Variants in AKT3 observed in about 807,000 individuals in gnomAD.
AKT3 encodes RAC-gamma serine/threonine-protein kinase.
In AKT3, 15 loss-of-function variants were observed where a neutral mutation model predicts 65.3. That is an observed-to-expected ratio of 0.23 (90% CI 0.15 to 0.35). The LOEUF (loss-of-function observed/expected upper bound fraction) is 0.35, where lower values mean the gene tolerates loss of function less well. Ranked by LOEUF, AKT3 falls within the 10% of genes least tolerant of loss-of-function variation. AKT3 has a pLI of 1.00. For missense variants in AKT3, 243 were observed against 576.5 expected (o/e 0.42, Z 5.92); for synonymous variants, 206 against 183.8 (o/e 1.12, Z -0.98).
chr1:243,495,767 C>T (rs1378460747), downstream of AKT3, among the ~76,000 whole-genome samples: 1 of 152,176 alleles, frequency 6.6e-6, no homozygotes, highest in African/African-American at 2.4e-5. Flanking sequence ...CACCTCTCTC[C>T]TCAGTGCGTT....
intron 3 of AKT3, among the ~76,000 whole-genome samples, chr1:243,683,993 A>C (rs1362054444): frequency 1.3e-5 from 2 of 152,198 alleles, no homozygotes; most frequent in Non-Finnish European, 2.9e-5. Context: ...AGCCTGCAGC[A>C]GCTTTGTCTT....
chr1:243,718,695 G>C (rs896253598), intron 2 of AKT3, among the ~76,000 whole-genome samples: 1 of 151,484 alleles, frequency 6.6e-6, no homozygotes, highest in Non-Finnish European at 1.5e-5. Flanking sequence ...GGATGGTCTC[G>C]ATCTCCTGAC....
intron 13 of AKT3, among the ~76,000 whole-genome samples, chr1:243,511,345 T>G (rs1187119468): frequency 1.3e-5 from 2 of 152,232 alleles, no homozygotes; most frequent in Non-Finnish European, 2.9e-5. Flanking sequence ...TTAAGACCTC[T>G]TGGCCCACAT....
At chr1:243,505,424 A>G (rs907068605) in intron 13 of AKT3, 90 bp from the exon 14 acceptor site, 18 of 1,099,500 alleles carry the variant, frequency 1.6e-5, no homozygotes, top group Non-Finnish European at 2.4e-5. Flanking sequence ...TGAACATAGG[A>G]AAGATGAACA....
At chr1:243,623,570 C>G (rs934368792) in intron 6 of AKT3, among the ~76,000 whole-genome samples, 1 of 152,148 alleles carries the variant, frequency 6.6e-6, no homozygotes, top group Non-Finnish European at 1.5e-5. Flanking sequence ...AATGGGGACA[C>G]TCCTCTTCTC....
At chr1:243,788,172 T>C (rs1691383510) in intron 2 of AKT3, among the ~76,000 whole-genome samples, 1 of 152,194 alleles carries the variant, frequency 6.6e-6, no homozygotes, top group African/African-American at 2.4e-5. Context: ...ACATGGATGG[T>C]AAGCTACTTG....
At chr1:243,841,663 T>C (rs1222696245) in intron 2 of AKT3, among the ~76,000 whole-genome samples, 1 of 152,156 alleles carries the variant, frequency 6.6e-6, no homozygotes, top group African/African-American at 2.4e-5. Context: ...GACCCAGCAA[T>C]ATCATTCCTA....
At chr1:243,792,027 T>C (rs920147508) in intron 2 of AKT3, among the ~76,000 whole-genome samples, 2 of 152,194 alleles carry the variant, frequency 1.3e-5, no homozygotes, top group Non-Finnish European at 2.9e-5. Context: ...TGAAGAAGAT[T>C]TAAGGAAACT....
intron 13 of AKT3, among the ~76,000 whole-genome samples, chr1:243,507,749 C>G (rs925044658): frequency 6.6e-6 from 1 of 152,186 alleles, no homozygotes; most frequent in Non-Finnish European, 1.5e-5. Flanking sequence ...CATCAGTTGC[C>G]TGATTTTCTT....
chr1:243,792,709 A>C (rs1332604983), intron 2 of AKT3, among the ~76,000 whole-genome samples: 1 of 152,186 alleles, frequency 6.6e-6, no homozygotes, highest in Non-Finnish European at 1.5e-5. Flanking sequence ...CATGTGTACA[A>C]CACCAAGAGA....
chr1:243,750,363 G>T (rs1219714398), intron 2 of AKT3, among the ~76,000 whole-genome samples: 1 of 151,218 alleles, frequency 6.6e-6, no homozygotes. Flanking sequence ...ACTACTGTAT[G>T]CCTCCTTCTC....
intron 2 of AKT3, among the ~76,000 whole-genome samples, chr1:243,726,033 GCCTCCAACATTAATGTCTGGAATTTCATA>G (rs141452883): frequency 0.25 from 38,058 of 151,970 alleles, 5,341 homozygotes; most frequent in African/African-American, 0.36. Flanking sequence ...GGAATTTCAT[GCCTCCAACATTAATGTCTGGAATTTCATA>G]CCTCCAACAT....
intron 3 of AKT3, among the ~76,000 whole-genome samples, chr1:243,688,490 T>C (rs1684484461): frequency 6.6e-6 from 1 of 152,186 alleles, no homozygotes; most frequent in Admixed American, 6.5e-5. Flanking sequence ...TTTTTGGAGA[T>C]GAATCTATTT....
intron 13 of AKT3, 119 bp from the exon 14 acceptor site, chr1:243,505,453 A>C (rs1334295589): frequency 1.3e-6 from 1 of 759,256 alleles, no homozygotes; most frequent in Non-Finnish European, 2.2e-6. Context: ...AGCTCCCATA[A>C]ACTTGTGTTC....
At chr1:243,593,379 A>G (rs1001554515) in intron 8 of AKT3, among the ~76,000 whole-genome samples, 6 of 152,188 alleles carry the variant, frequency 3.9e-5, no homozygotes, top group African/African-American at 1.4e-4. Flanking sequence ...TTGAATGTCA[A>G]TGTAATTTAT....
At chr1:243,703,823 T>C (rs1488602304) in intron 2 of AKT3, among the ~76,000 whole-genome samples, 1 of 151,384 alleles carries the variant, frequency 6.6e-6, no homozygotes, top group African/African-American at 2.4e-5. Context: ...ATTATCTACA[T>C]TGCAATAAAC....
chr1:243,753,057 C>G (rs907553772), intron 2 of AKT3, among the ~76,000 whole-genome samples: 2 of 152,112 alleles, frequency 1.3e-5, no homozygotes, highest in Admixed American at 1.3e-4. Context: ...TCATGTTATG[C>G]CATTTTGATT....
At chr1:243,529,138 T>C (rs1160964334) in intron 12 of AKT3, among the ~76,000 whole-genome samples, 3 of 151,654 alleles carry the variant, frequency 2.0e-5, no homozygotes, top group Admixed American at 6.6e-5. Flanking sequence ...TTGCCCACTT[T>C]GTAATGGAGC....
At chr1:243,687,604 C>T (rs985485392) in intron 3 of AKT3, 1 of 151,806 alleles carries the variant, frequency 6.6e-6, no homozygotes, top group Non-Finnish European at 1.5e-5. Context: ...AGATGGGATA[C>T]ACTTTTTCTG....
Sources: allele counts gnomAD v4.1 joint callset (sites outside exome capture counted in the v4.1 genomes callset), GRCh38; gene constraint gnomAD v4.1.1; transcripts MANE v1.5; gene names NCBI Gene and HGNC (gene_info 2026-07-23, HGNC 2026-07-21).